Variants in AXDND1 observed in about 807,000 individuals in gnomAD.
AXDND1 encodes the protein axonemal dynein light chain domain-containing protein 1.
AXDND1 carries 110 observed loss-of-function variants against 137.5 expected under a neutral mutation model. The observed-to-expected ratio is 0.80, with a 90% CI of 0.69 to 0.94. The LOEUF (loss-of-function observed/expected upper bound fraction) is 0.94. AXDND1 is among the 40% of genes least tolerant of loss of function. The pLI is 0.00. For missense variants in AXDND1, 1,191 were observed against 1,169.8 expected (o/e 1.02, Z -0.26); for synonymous variants, 414 against 399.7 (o/e 1.04, Z -0.43).
chr1:179,432,187 T>G, intron 14 of AXDND1, 80 bp from the exon 15 acceptor site: 1 of 1,434,550 alleles, frequency 7.0e-7, no homozygotes, highest in South Asian at 1.3e-5. Flanking sequence ...TGTTAGTTGT[T>G]TAGTCTTTAG....
At chr1:179,390,520 T>C (rs567869635) in intron 9 of AXDND1, among the ~76,000 whole-genome samples, 13 of 152,346 alleles carry the variant, frequency 8.5e-5, no homozygotes, top group African/African-American at 2.4e-4. Context: ...ATTTAACTAT[T>C]TATAAGAATC....
chr1:179,491,387 G>A (rs1397095460), intron 18 of AXDND1, 151 bp from the exon 19 acceptor site: 6 of 590,978 alleles, frequency 1.0e-5, no homozygotes, highest in African/African-American at 9.5e-5. Flanking sequence ...AAGAAAATAG[G>A]GTCATGCTAG....
intron 14 of AXDND1, 145 bp downstream of exon 14, chr1:179,430,751 C>G: frequency 1.2e-6 from 1 of 819,704 alleles, no homozygotes; most frequent in Non-Finnish European, 1.9e-6. Flanking sequence ...CACAATCCTG[C>G]TAACAACCTT....
chr1:179,376,174 T>C (rs4511076), intron 4 of AXDND1, among the ~76,000 whole-genome samples: 5 of 152,234 alleles, frequency 3.3e-5, no homozygotes, highest in Non-Finnish European at 7.3e-5. Context: ...AGGCTCTCTG[T>C]GTTTAGTTCT....
intron 16 of AXDND1, among the ~76,000 whole-genome samples, chr1:179,458,873 T>C (rs1006522260): frequency 8.3e-4 from 126 of 151,960 alleles, no homozygotes; most frequent in African/African-American, 3.0e-3. Context: ...ATTTTTTTTT[T>C]GGTGGTTCTA....
intron 25 of AXDND1, among the ~76,000 whole-genome samples, chr1:179,538,846 T>C (rs1671806692): frequency 1.3e-5 from 2 of 152,194 alleles, no homozygotes; most frequent in Admixed American, 1.3e-4. Flanking sequence ...TGTAGGTCTC[T>C]AAAAACTTGC....
intron 20 of AXDND1, among the ~76,000 whole-genome samples, chr1:179,500,214 A>G (rs1667853998): frequency 6.6e-6 from 1 of 151,996 alleles, no homozygotes; most frequent in African/African-American, 2.4e-5. Context: ...TTGTTCTAGG[A>G]ATGCAAGTTC....
At position 179,411,279 on chromosome 1, in the gene AXDND1, G is replaced by T; in HGVS notation, c.1230+13G>T. The T allele has an allele frequency of 6.2e-7, 1 of 1,602,432 alleles. No homozygotes were observed. The highest frequency in any genetic ancestry group is 8.5e-7 in the Non-Finnish European group (1 of 1,177,120). ...ATTGGCCCTGAAGGTTAGTTCATCTGGATTCACAACTCACACTTCTTTTTT... is the reference window on the plus strand; with the variant it reads ...ATTGGCCCTGAAGGTTAGTTCATCTTGATTCACAACTCACACTTCTTTTTT... On this transcript the variant is annotated intron_variant, in intron 12 of 25. Coordinates refer to ENST00000367618, the MANE Select transcript of AXDND1 (RefSeq NM_144696.6).
chr1:179,443,890 A>T (rs10913764), intron 15 of AXDND1, among the ~76,000 whole-genome samples: 116,723 of 152,062 alleles, frequency 0.77, 45,102 homozygotes, highest in South Asian at 0.83. Flanking sequence ...GGAAAATATA[A>T]GTGACATTGA....
At chr1:179,552,493 C>T (rs1673433134) in intron 25 of AXDND1, 1 of 829,626 alleles carries the variant, frequency 1.2e-6, no homozygotes, top group Admixed American at 2.0e-5. Flanking sequence ...GGGCCCAAGA[C>T]AGCTTCTGCC....
At chr1:179,429,689 C>G (rs1277545102) in intron 13 of AXDND1, 70 bp downstream of exon 13, 4 of 807,788 alleles carry the variant, frequency 5.0e-6, no homozygotes, top group Admixed American at 3.2e-5. Flanking sequence ...CTGTAAGATG[C>G]CTTTGTTAAA....
intron 11 of AXDND1, among the ~76,000 whole-genome samples, chr1:179,400,924 AAAAG>A (rs1651922266): frequency 6.8e-6 from 1 of 146,176 alleles, no homozygotes. Flanking sequence ...AAAAAAAAAA[AAAAG>A]AAAAAAAAAA....
chr1:179,407,386 A>T (rs1041948322), intron 11 of AXDND1, among the ~76,000 whole-genome samples: 3 of 151,638 alleles, frequency 2.0e-5, no homozygotes, highest in South Asian at 2.1e-4. Flanking sequence ...TGCCACCATG[A>T]CCGGCTAATT....
At chr1:179,479,650 G>A (rs1347642059) in intron 17 of AXDND1, among the ~76,000 whole-genome samples, 2 of 151,994 alleles carry the variant, frequency 1.3e-5, no homozygotes, top group East Asian at 3.9e-4. Flanking sequence ...GGTGGTGGGT[G>A]CCTGTAATCC....
intron 11 of AXDND1, among the ~76,000 whole-genome samples, 153 bp from the exon 12 acceptor site, chr1:179,410,993 A>T (rs1437753376): frequency 6.6e-6 from 1 of 152,236 alleles, no homozygotes; most frequent in African/African-American, 2.4e-5. Context: ...TATATGTGTT[A>T]TCAATATATT....
At chr1:179,382,799 C>T in intron 7 of AXDND1, 43 bp downstream of exon 7, 1 of 1,404,832 alleles carries the variant, frequency 7.1e-7, no homozygotes, top group African/African-American at 1.4e-5. Context: ...AGAAAGAATA[C>T]CTATATACAT....
chr1:179,432,968 TA>T (rs1458195362), intron 15 of AXDND1, among the ~76,000 whole-genome samples: 1 of 152,202 alleles, frequency 6.6e-6, no homozygotes, highest in Non-Finnish European at 1.5e-5. Flanking sequence ...TCAGGGACTT[TA>T]AAAAATATGC....
chr1:179,421,933 G>T (rs889646705), intron 12 of AXDND1, among the ~76,000 whole-genome samples: 19 of 151,698 alleles, frequency 1.3e-4, no homozygotes, highest in Non-Finnish European at 4.4e-5. Flanking sequence ...CCGGCTACTT[G>T]GGAGGCTGAG....
At chr1:179,383,689 C>T (rs370927403) in intron 8 of AXDND1, 145 bp downstream of exon 8, 1 of 606,580 alleles carries the variant, frequency 1.6e-6, no homozygotes, top group Non-Finnish European at 2.9e-6. Flanking sequence ...GTTTCCTCAT[C>T]TGAACTTTGG....
Sources: allele counts gnomAD v4.1 joint callset (sites outside exome capture counted in the v4.1 genomes callset), GRCh38; gene constraint gnomAD v4.1.1; transcripts MANE v1.5; gene names NCBI Gene and HGNC (gene_info 2026-07-23, HGNC 2026-07-21).